The following EXOC4 variants were observed in gnomAD, a reference collection of about 807,000 sequenced individuals.
EXOC4 encodes exocyst complex component 4, also known as SEC8-like 1.
Under a neutral mutation model 107.2 loss-of-function variants are expected in EXOC4, and 71 were observed. That is an observed-to-expected ratio of 0.66 (90% CI 0.55 to 0.81). The LOEUF (loss-of-function observed/expected upper bound fraction) is 0.81, where lower values mean the gene tolerates loss of function less well. EXOC4 is among the 30% of genes least tolerant of loss of function. The probability of loss-of-function intolerance (pLI) is 0.00; values close to 1 mark genes in which losing one functional copy is unlikely to be tolerated. For synonymous variants in EXOC4, 456 were observed against 441.2 expected (o/e 1.03, Z -0.42); for missense variants, 1,108 against 1,189.6 (o/e 0.93, Z 1.01).
intron 10 of EXOC4, among the ~76,000 whole-genome samples, chr7:133,743,632 A>G (rs2151130988): frequency 7.2e-6 from 1 of 138,418 alleles, no homozygotes; most frequent in Middle Eastern, 3.6e-3. Flanking sequence ...GCCATCCTTT[A>G]TGAAACCATG....
intron 10 of EXOC4, among the ~76,000 whole-genome samples, chr7:133,699,412 A>C (rs992814622): frequency 6.6e-6 from 1 of 152,180 alleles, no homozygotes; most frequent in African/African-American, 2.4e-5. Flanking sequence ...AGCAATCCAG[A>C]ATATGCCTGC....
At chr7:133,326,260 G>A (rs1032252525) in intron 5 of EXOC4, among the ~76,000 whole-genome samples, 8 of 152,198 alleles carry the variant, frequency 5.3e-5, no homozygotes, top group South Asian at 2.1e-4. Context: ...GAGGAGCTGC[G>A]TTCCTTTGGA....
intron 11 of EXOC4, among the ~76,000 whole-genome samples, chr7:133,853,352 A>T (rs1473078649): frequency 1.7e-5 from 1 of 58,162 alleles, no homozygotes; most frequent in Non-Finnish European, 3.4e-5. Context: ...TTTAACACAC[A>T]CACACACACA....
intron 9 of EXOC4, among the ~76,000 whole-genome samples, chr7:133,548,177 A>G (rs1390308301): frequency 1.3e-5 from 2 of 152,110 alleles, no homozygotes; most frequent in African/African-American, 4.8e-5. Flanking sequence ...TCACCAGAGT[A>G]GATTCCATCT....
At chr7:133,764,753 G>T (rs989593377) in intron 10 of EXOC4, among the ~76,000 whole-genome samples, 2 of 152,056 alleles carry the variant, frequency 1.3e-5, no homozygotes, top group Admixed American at 6.6e-5. Context: ...AGCTAACCCA[G>T]CTGGGAGGTG....
chr7:133,397,432 C>T (rs574263205), intron 7 of EXOC4, among the ~76,000 whole-genome samples: 2 of 152,136 alleles, frequency 1.3e-5, no homozygotes, highest in South Asian at 4.1e-4. Flanking sequence ...CTGCGCCCGG[C>T]TCATTTGGTT....
chr7:133,860,186 G>T (rs1798503120), intron 11 of EXOC4, among the ~76,000 whole-genome samples: 1 of 152,174 alleles, frequency 6.6e-6, no homozygotes, highest in African/African-American at 2.4e-5. Flanking sequence ...ATGCCTGTTT[G>T]TCCTTGAGAG....
At chr7:133,596,314 G>T (rs1801674249) in intron 9 of EXOC4, among the ~76,000 whole-genome samples, 1 of 152,152 alleles carries the variant, frequency 6.6e-6, no homozygotes, top group African/African-American at 2.4e-5. Flanking sequence ...CCTCATTTTG[G>T]AGAAAAGACA....
chr7:133,710,033 C>T (rs1009191429), intron 10 of EXOC4, among the ~76,000 whole-genome samples: 1 of 152,110 alleles, frequency 6.6e-6, no homozygotes, highest in Non-Finnish European at 1.5e-5. Flanking sequence ...CTTTTAGATT[C>T]CTGGCACTTT....
chr7:133,584,034 G>T (rs1166813112), intron 9 of EXOC4, among the ~76,000 whole-genome samples: 1 of 152,158 alleles, frequency 6.6e-6, no homozygotes, highest in Non-Finnish European at 1.5e-5. Flanking sequence ...GATGACTATG[G>T]CTCAGAAAAT....
intron 9 of EXOC4, among the ~76,000 whole-genome samples, chr7:133,600,928 T>C (rs972198684): frequency 1.4e-4 from 22 of 152,192 alleles, no homozygotes; most frequent in African/African-American, 5.3e-4. Flanking sequence ...CAACTATGTA[T>C]AGATTATGCT....
intron 10 of EXOC4, among the ~76,000 whole-genome samples, chr7:133,715,686 A>G (rs576169357): frequency 2.6e-5 from 4 of 151,620 alleles, no homozygotes; most frequent in South Asian, 2.1e-4. Context: ...ACCACTTTCT[A>G]CCTCTTCTGC....
intron 10 of EXOC4, among the ~76,000 whole-genome samples, chr7:133,687,300 A>G (rs1360311375): frequency 6.6e-6 from 1 of 152,092 alleles, no homozygotes; most frequent in East Asian, 1.9e-4. Flanking sequence ...AATTGGGTTT[A>G]GTGTATACTA....
At chr7:133,801,276 A>G (rs1796936073) in intron 10 of EXOC4, among the ~76,000 whole-genome samples, 2 of 152,090 alleles carry the variant, frequency 1.3e-5, no homozygotes, top group African/African-American at 4.8e-5. Flanking sequence ...TCCTGATACC[A>G]TGACAGAAGG....
chr7:133,920,467 T>C (rs1799913743), intron 13 of EXOC4, among the ~76,000 whole-genome samples: 1 of 152,228 alleles, frequency 6.6e-6, no homozygotes. Context: ...ATATTAGTTA[T>C]ACTTCTTTTT....
At position 133,707,804 on chromosome 7, in the gene EXOC4, C is replaced by T. The variant is rs554428444; in HGVS notation, c.1514+77663C>T. On this transcript the variant is annotated intron_variant, in intron 10 of 17. Coordinates refer to ENST00000253861, the MANE Select transcript of EXOC4 (RefSeq NM_021807.4). The stretch of plus-strand genomic sequence containing the variant: ...CTAATTTTTGTATTTTTAGTAGAGA[C>T]GGAGTTTTGCCATGTTGGGCAGGCT... Among the ~76,000 whole-genome samples, 92 of 152,036 alleles carry T rather than the reference C, an allele frequency of 6.1e-4. No individual in the cohort carries two copies. In the South Asian group the frequency reaches 0.012, roughly 19 times the overall value.
At chr7:133,357,857 A>G (rs1462951125) in intron 6 of EXOC4, among the ~76,000 whole-genome samples, 1 of 152,190 alleles carries the variant, frequency 6.6e-6, no homozygotes, top group Non-Finnish European at 1.5e-5. Context: ...GGTGAATGGA[A>G]CTACCCTTTA....
chr7:133,733,710 A>T (rs1309355020), intron 10 of EXOC4: 1 of 152,148 alleles, frequency 6.6e-6, no homozygotes, highest in Admixed American at 6.5e-5. Context: ...TTTCCTTGCC[A>T]ATTCTTAACT....
intron 9 of EXOC4, among the ~76,000 whole-genome samples, chr7:133,552,681 A>G (rs1247340673): frequency 6.6e-6 from 1 of 152,094 alleles, no homozygotes; most frequent in Non-Finnish European, 1.5e-5. Context: ...GATAGAAATG[A>G]TCATACATGT....
Sources: gnomAD v4.1 joint callset for allele counts (sites outside exome capture counted in the v4.1 genomes callset) on GRCh38, gnomAD v4.1.1 for gene constraint, MANE v1.5 for transcripts, NCBI Gene and HGNC (gene_info 2026-07-23, HGNC 2026-07-21) for gene names.